The following ASB3 variants were observed in gnomAD, a reference collection of about 807,000 sequenced individuals.
The protein encoded by ASB3 is ankyrin repeat and SOCS box containing 3.
ASB3 carries 41 observed loss-of-function variants against 54.5 expected under a neutral mutation model. The observed-to-expected ratio is 0.75, with a 90% CI of 0.59 to 0.98. The LOEUF (loss-of-function observed/expected upper bound fraction) is 0.98. Among genes scored for constraint, ASB3 ranks in the 50% least tolerant of loss-of-function variants. The pLI is 0.00. For synonymous variants in ASB3, 266 were observed against 221.2 expected, an observed-to-expected ratio of 1.20 and a Z score of -1.80; for missense variants, 733 against 620.0, an observed-to-expected ratio of 1.18 and a Z score of -1.94.
chr2:53,769,332 A>G (rs1483769485), intron 1 of ASB3, among the ~76,000 whole-genome samples: 1 of 152,216 alleles, frequency 6.6e-6, no homozygotes, highest in African/African-American at 2.4e-5. Flanking sequence ...TTTGATATGA[A>G]TATTTAAAAT....
chr2:53,743,164 C>CTT (rs60857484), intron 3 of ASB3, among the ~76,000 whole-genome samples: 8 of 117,852 alleles, frequency 6.8e-5, no homozygotes, highest in South Asian at 2.7e-4. Context: ...ATTTTTTTAC[C>CTT]TTTTTTTTTT....
chr2:53,750,601 A>G (rs1672461589), intron 3 of ASB3, among the ~76,000 whole-genome samples, 182 bp downstream of exon 3: 1 of 152,194 alleles, frequency 6.6e-6, no homozygotes, highest in Non-Finnish European at 1.5e-5. Flanking sequence ...ACCCAAGAAT[A>G]GAAAACAAGA....
chr2:53,753,410 G>C (rs1270065298), intron 2 of ASB3, among the ~76,000 whole-genome samples: 1 of 152,188 alleles, frequency 6.6e-6, no homozygotes, highest in Non-Finnish European at 1.5e-5. Flanking sequence ...TAAGGAAAGA[G>C]GGAAGGCTAG....
intron 9 of ASB3, among the ~76,000 whole-genome samples, chr2:53,672,185 C>CA (rs34136079): frequency 6.6e-6 from 1 of 152,098 alleles, no homozygotes; most frequent in South Asian, 2.1e-4. Context: ...AATAAGAAAG[C>CA]AAAAGTTATC....
intron 5 of ASB3, among the ~76,000 whole-genome samples, chr2:53,720,460 T>C (rs1177284830): frequency 6.6e-6 from 1 of 152,018 alleles, no homozygotes; most frequent in African/African-American, 2.4e-5. Context: ...CAAGAAAAAA[T>C]TATATATAAA....
In ASB3 at chr2:53,786,701, C is replaced by T. The variant is rs145545759; in HGVS notation, c.-14+120G>A. The T allele has an allele frequency of 2.3e-3, 350 of 154,712 alleles. 1 individual carries two copies. Among genetic ancestry groups the T allele is most frequent in the African/African-American group, 8.0e-3 (334 of 41,676 alleles). 9.6% of individuals were successfully genotyped at this position (154,712 alleles called of 1,614,324 possible). A position where few individuals can be genotyped will look rare whatever the true frequency, so the allele number is the denominator to read the frequency against. On this transcript the variant is annotated intron_variant, in intron 1 of 9. Coordinates refer to ENST00000263634, the MANE Select transcript of ASB3 (RefSeq NM_016115.5). ...ATTTTCTCATCTAAGGACCCGCACC[C>T]GCACGGTTCACACTGTCTTCTTCCC...
intron 1 of ASB3, among the ~76,000 whole-genome samples, chr2:53,784,093 A>G (rs531219889): frequency 1.3e-5 from 2 of 152,372 alleles, no homozygotes; most frequent in Admixed American, 1.3e-4. Context: ...CTTAATTGGC[A>G]GAGGTAGAAT....
At chr2:53,727,355 T>C (rs1354170012) in intron 5 of ASB3, among the ~76,000 whole-genome samples, 1 of 152,198 alleles carries the variant, frequency 6.6e-6, no homozygotes, top group African/African-American at 2.4e-5. Flanking sequence ...CCCTGCTGTT[T>C]AAATAAACTG....
At chr2:53,736,117 G>A (rs747726718) in intron 3 of ASB3, among the ~76,000 whole-genome samples, 20 of 151,768 alleles carry the variant, frequency 1.3e-4, no homozygotes, top group African/African-American at 2.2e-4. Context: ...ATTGGACCAC[G>A]TTAAAATTAA....
chr2:53,761,806 T>C (rs564005980), intron 2 of ASB3, among the ~76,000 whole-genome samples: 6 of 152,196 alleles, frequency 3.9e-5, no homozygotes, highest in African/African-American at 1.4e-4. Context: ...CAAACAGTAA[T>C]TGCACTTCTA....
intron 2 of ASB3, among the ~76,000 whole-genome samples, chr2:53,756,353 T>C (rs557657709): frequency 2.0e-5 from 3 of 152,310 alleles, no homozygotes; most frequent in South Asian, 2.1e-4. Context: ...TAGTTTGAAC[T>C]AGGTTTCTTT....
intron 7 of ASB3, among the ~76,000 whole-genome samples, chr2:53,711,888 T>A (rs1210426643): frequency 6.6e-6 from 1 of 152,204 alleles, no homozygotes; most frequent in Non-Finnish European, 1.5e-5. Context: ...CTCAGGTAGT[T>A]TCTTTTTGAA....
At chr2:53,741,539 A>G (rs533675123) in intron 3 of ASB3, among the ~76,000 whole-genome samples, 2 of 152,332 alleles carry the variant, frequency 1.3e-5, no homozygotes, top group East Asian at 3.9e-4. Context: ...ATATAAATCG[A>G]CTGACATTTT....
At chr2:53,676,476 G>A (rs1317114595) in intron 9 of ASB3, among the ~76,000 whole-genome samples, 3 of 152,256 alleles carry the variant, frequency 2.0e-5, no homozygotes, top group East Asian at 1.9e-4. Context: ...TTTAGTAAAC[G>A]ACGGACCACA....
Position 53,755,792 on chromosome 2 carries a change from G to A in ASB3, c.197-4851C>T, listed in dbSNP as rs566506541. On this transcript the variant is annotated intron_variant, in intron 2 of 9. Transcript: ENST00000263634. ...AGTAGACACTGTTAAGAAAAGTGAC[G>A]AGAAAATACCCGAAACACATATAAC... Among the ~76,000 whole-genome samples, 7 of 152,254 alleles carry A rather than the reference G, an allele frequency of 4.6e-5. No homozygotes were observed. The East Asian group carries it at 7.7e-4, about 17-fold the overall frequency.
At chr2:53,722,034 G>C (rs1203849935) in intron 5 of ASB3, among the ~76,000 whole-genome samples, 1 of 152,012 alleles carries the variant, frequency 6.6e-6, no homozygotes, top group African/African-American at 2.4e-5. Context: ...AAATACACAA[G>C]ATCCTCTGAG....
intron 2 of ASB3, among the ~76,000 whole-genome samples, chr2:53,754,005 A>T (rs74258800): frequency 0.057 from 8,614 of 152,138 alleles, 445 homozygotes; most frequent in East Asian, 0.28. Flanking sequence ...AAAATGGCTG[A>T]TTCTAAGGCT....
intron 7 of ASB3, among the ~76,000 whole-genome samples, chr2:53,701,321 T>A (rs1446305526): frequency 3.9e-5 from 6 of 152,248 alleles, no homozygotes; most frequent in Non-Finnish European, 8.8e-5. Flanking sequence ...AAATTTAATT[T>A]ACAATACTAC....
At chr2:53,687,209 T>C (rs1439462630) in intron 9 of ASB3, among the ~76,000 whole-genome samples, 1 of 152,084 alleles carries the variant, frequency 6.6e-6, no homozygotes, top group Admixed American at 6.6e-5. Flanking sequence ...AAGTGGGCAG[T>C]TGGAACCCTG....
Sources: allele counts gnomAD v4.1 joint callset (sites outside exome capture counted in the v4.1 genomes callset), GRCh38; gene constraint gnomAD v4.1.1; transcripts MANE v1.5; gene names NCBI Gene and HGNC (gene_info 2026-07-23, HGNC 2026-07-21).